The following ZNF611 variants were observed in gnomAD, a reference collection of about 807,000 sequenced individuals.
ZNF611 encodes zinc finger protein 611.
ZNF611 carries 6 observed loss-of-function variants against 8.9 expected under a neutral mutation model. The ratio of observed to expected loss-of-function variants is 0.68; its 90% CI spans 0.37 to 1.34. The LOEUF is 1.34. ZNF611 is among the 40% of genes most tolerant of loss of function. The probability of loss-of-function intolerance (pLI) is 0.02; values close to 1 mark genes in which losing one functional copy is unlikely to be tolerated. For missense variants in ZNF611, 874 were observed against 841.3 expected (o/e 1.04, Z -0.48); for synonymous variants, 262 against 279.7 (o/e 0.94, Z 0.63).
intron 5 of ZNF611, among the ~76,000 whole-genome samples, chr19:52,712,183 CCT>C (rs1318194179): frequency 6.6e-6 from 1 of 152,006 alleles, no homozygotes; most frequent in African/African-American, 2.4e-5. Context: ...TCAACAAAAT[CCT>C]CTGTGTAGAT....
At chr19:52,729,602 G>A (rs974723456) in intron 2 of ZNF611, among the ~76,000 whole-genome samples, 7 of 150,946 alleles carry the variant, frequency 4.6e-5, no homozygotes, top group African/African-American at 1.7e-4. Context: ...CACAGAACAG[G>A]CACTTATTGA....
chr19:52,721,953 C>T (rs369603659), intron 3 of ZNF611, among the ~76,000 whole-genome samples: 6 of 151,974 alleles, frequency 3.9e-5, no homozygotes, highest in South Asian at 2.1e-4. Flanking sequence ...GGGGTAGTAT[C>T]GCAGGAGAAT....
intron 5 of ZNF611, among the ~76,000 whole-genome samples, chr19:52,712,832 T>C (rs1400349080): frequency 2.0e-5 from 3 of 152,162 alleles, no homozygotes; most frequent in South Asian, 2.1e-4. Context: ...CAGATGTCCA[T>C]TGACAGATAA....
At chr19:52,721,733 A>AAGGGAG (rs1415326340) in intron 3 of ZNF611, among the ~76,000 whole-genome samples, 7 of 149,182 alleles carry the variant, frequency 4.7e-5, no homozygotes, top group Non-Finnish European at 7.4e-5. Context: ...GGGAGAGGGA[A>AAGGGAG]AGGGAGAGGG....
chr19:52,729,519 G>C (rs1050464205), intron 2 of ZNF611, among the ~76,000 whole-genome samples: 1 of 84,900 alleles, frequency 1.2e-5, no homozygotes, highest in African/African-American at 4.6e-5. Flanking sequence ...AAAAAAAAAA[G>C]AAAAGAAAGA....
At chr19:52,709,597 C>T (rs1293050247) in intron 5 of ZNF611, among the ~76,000 whole-genome samples, 7 of 146,928 alleles carry the variant, frequency 4.8e-5, no homozygotes, top group Non-Finnish European at 9.0e-5. Flanking sequence ...GACAGAATTT[C>T]GCTCTTGTTG....
At chr19:52,731,653 C>T (rs942166639) in intron 1 of ZNF611, among the ~76,000 whole-genome samples, 1 of 152,080 alleles carries the variant, frequency 6.6e-6, no homozygotes, top group Non-Finnish European at 1.5e-5. Flanking sequence ...AGGCTTGAGC[C>T]ACCGTGCCCT....
Position 52,705,741 on chromosome 19 carries a change from C to T in ZNF611, c.1314G>A (p.Lys438=), listed in dbSNP as rs1399924601. The T allele has an allele frequency of 6.2e-7, 1 of 1,613,996 alleles. No homozygotes were observed. The highest frequency in any genetic ancestry group is 8.5e-7 in the Non-Finnish European group (1 of 1,179,960). Reference sequence around the variant, plus strand: ...GTCTATGATGGCATACAAGGGATGACTTGTGACTGAAGGTCTTGCCACACT... The same window carrying T: ...GTCTATGATGGCATACAAGGGATGATTTGTGACTGAAGGTCTTGCCACACT... The part of the protein sequence containing the change: ...CNECGKTFSH[K]SSLVCHHRLH... Residue 438 remains lysine (K), a synonymous_variant, in exon 6 of 6, where the codon AAG becomes AAA. Coordinates refer to ENST00000652185, the MANE Select transcript of ZNF611 (RefSeq NM_001161499.2).
chr19:52,730,417 A>AAAAC (rs2062419027), intron 1 of ZNF611, among the ~76,000 whole-genome samples: 3 of 128,920 alleles, frequency 2.3e-5, no homozygotes, highest in South Asian at 2.5e-4. Context: ...AAAAAAAAAA[A>AAAAC]AAAAAAACAT....
In ZNF611 at chr19:52,705,234, T is replaced by A. The variant is rs756158524; in HGVS notation, c.1821A>T (p.Ser607=). Residue 607 remains serine, a synonymous_variant, in exon 6 of 6, where the codon TCA becomes TCT. Transcript: ENST00000652185. ...GAAGTCTACGATGGCAATGAAGGGA[T>A]GACCTGCGACTGAAGGTCTTGCTGC... ...NECSKTFSRR[S]SLHCHRRLHS... is the part of the protein sequence containing the mutation. 25 of 1,614,036 alleles carry A rather than the reference T, an allele frequency of 1.5e-5. No individual in the cohort carries two copies. The highest frequency in any genetic ancestry group is 2.1e-5 in the Non-Finnish European group (25 of 1,180,026).
At chr19:52,727,578 C>T (rs1600333328) in intron 3 of ZNF611, among the ~76,000 whole-genome samples, 1 of 152,126 alleles carries the variant, frequency 6.6e-6, no homozygotes, top group African/African-American at 2.4e-5. Flanking sequence ...ATTAGCTGGA[C>T]GTGGTGGCAG....
rs544123306 is a variant in ZNF611 at position 52,728,713 on chromosome 19, G to A, written c.-20+17C>T. The A allele has an allele frequency of 6.5e-6, 1 of 152,792 alleles. No individual in the cohort carries two copies. The highest frequency in any genetic ancestry group is 2.1e-4 in the South Asian group (1 of 4,840). 9.5% of individuals were successfully genotyped at this position (152,792 alleles called of 1,614,324 possible). ...TTTACTTCCTTGTCTGTTTGAGATA[G>A]GGTGTAGCTCACTCACCCAAGCTGG... On this transcript the variant is annotated intron_variant, in intron 3 of 5. Transcript: ENST00000652185.
chr19:52,730,614 C>T (rs1181051514), intron 1 of ZNF611, among the ~76,000 whole-genome samples: 1 of 151,736 alleles, frequency 6.6e-6, no homozygotes, highest in Non-Finnish European at 1.5e-5. Context: ...GACGGAGTTT[C>T]CCTCTTGTTG....
intron 3 of ZNF611, among the ~76,000 whole-genome samples, chr19:52,727,213 G>A (rs1245175363): frequency 6.6e-6 from 1 of 152,102 alleles, no homozygotes; most frequent in African/African-American, 2.4e-5. Flanking sequence ...AAATATAATT[G>A]AGAAACAAAG....
At chr19:52,714,359 G>C (rs188186457) in intron 4 of ZNF611, among the ~76,000 whole-genome samples, 1 of 151,824 alleles carries the variant, frequency 6.6e-6, no homozygotes, top group South Asian at 2.1e-4. Flanking sequence ...CGGAAATCTC[G>C]ATTTTATGGA....
chr19:52,715,262 C>A (rs961925634), intron 4 of ZNF611, among the ~76,000 whole-genome samples: 2 of 151,984 alleles, frequency 1.3e-5, no homozygotes, highest in African/African-American at 2.4e-5. Flanking sequence ...TCGAGACCAG[C>A]CTGGGAACAT....
intron 5 of ZNF611, 141 bp downstream of exon 5, chr19:52,713,873 AG>A: frequency 6.7e-7 from 1 of 1,490,200 alleles, no homozygotes; most frequent in Non-Finnish European, 8.9e-7. Context: ...CCTCGGCAAT[AG>A]GAGCGAAACA....
intron 3 of ZNF611, chr19:52,723,873 C>T (rs563892170): frequency 3.9e-5 from 6 of 152,316 alleles, no homozygotes; most frequent in East Asian, 3.9e-4. Flanking sequence ...TGCTGTACCT[C>T]GATGTGCATG....
intron 3 of ZNF611, among the ~76,000 whole-genome samples, chr19:52,719,970 T>C (rs917453783): frequency 2.0e-5 from 3 of 152,180 alleles, no homozygotes; most frequent in African/African-American, 7.2e-5. Context: ...GGTGATGACT[T>C]TTAAGGAGCA....
Sources: allele counts gnomAD v4.1 joint callset (sites outside exome capture counted in the v4.1 genomes callset), GRCh38; gene constraint gnomAD v4.1.1; transcripts MANE v1.5; gene names NCBI Gene and HGNC (gene_info 2026-07-23, HGNC 2026-07-21).